ARHGEF3: variants seen among roughly 807,000 people sequenced by gnomAD.
ARHGEF3 encodes the protein 59.8 kDA protein.
ARHGEF3 carries 28 observed loss-of-function variants against 63.2 expected under a neutral mutation model. The ratio of observed to expected loss-of-function variants is 0.44; its 90% confidence interval spans 0.33 to 0.61. ARHGEF3 has a LOEUF of 0.61. ARHGEF3 is among the 20% of genes least tolerant of loss of function. The pLI, the probability that ARHGEF3 is intolerant of heterozygous loss-of-function variation, is 0.03. For missense variants in ARHGEF3, 533 were observed against 659.3 expected (o/e 0.81, Z 2.10); for synonymous variants, 266 against 254.2 (o/e 1.05, Z -0.44).
intron 1 of ARHGEF3, among the ~76,000 whole-genome samples, chr3:57,036,466 C>T (rs1340709584): frequency 1.3e-5 from 2 of 152,106 alleles, no homozygotes; most frequent in African/African-American, 4.8e-5. Flanking sequence ...AGGATTCCTC[C>T]CACTATTTCG....
intron 1 of ARHGEF3, among the ~76,000 whole-genome samples, chr3:57,042,692 A>ATTTTT (rs1447905041): frequency 3.8e-4 from 9 of 23,950 alleles, no homozygotes; most frequent in Admixed American, 7.7e-4. Context: ...ATATATATAT[A>ATTTTT]TATATATATT....
intron 2 of ARHGEF3, among the ~76,000 whole-genome samples, chr3:56,772,770 G>A (rs2036074782): frequency 6.6e-6 from 1 of 152,174 alleles, no homozygotes; most frequent in Admixed American, 6.5e-5. Flanking sequence ...GGGCCAAGGT[G>A]TTATGCTATG....
At chr3:56,766,155 A>C (rs1466315094) in intron 2 of ARHGEF3, among the ~76,000 whole-genome samples, 1 of 152,156 alleles carries the variant, frequency 6.6e-6, no homozygotes, top group Non-Finnish European at 1.5e-5. Context: ...TAGAACTTTT[A>C]CAATCTCTAG....
In ARHGEF3 at chr3:57,001,936, TG is replaced by T. The variant is rs377719887; in HGVS notation, c.62+33151del. 7.4e-3 allele frequency among the ~76,000 whole-genome samples: 1,032 copies of T among 139,798 alleles called. 208 individuals carry two copies. The highest frequency in any genetic ancestry group is 0.021 in the African/African-American group (793 of 37,266). The allele number at this position is 139,798 out of a possible 152,430, so 91.7% of individuals were successfully genotyped here. A position where few individuals can be genotyped will look rare whatever the true frequency, so the allele number is the denominator to read the frequency against. ...GATAGTTTTTTTTTTTTTTGTTTTT[TG>T]TTTTGAGACGGAGTCTCACTCTGTT... is the stretch of plus-strand genomic sequence containing the variant. On this transcript the variant is annotated intron_variant, in intron 2 of 12. Coordinates refer to the ARHGEF3 transcript ENST00000338458.
At chr3:56,770,300 CT>C (rs1172120448) in intron 2 of ARHGEF3, among the ~76,000 whole-genome samples, 1 of 152,034 alleles carries the variant, frequency 6.6e-6, no homozygotes, top group Non-Finnish European at 1.5e-5. Context: ...ATCCCAGCTA[CT>C]CGGGAGGCTG....
chr3:56,793,550 G>A (rs542658266), intron 1 of ARHGEF3, among the ~76,000 whole-genome samples: 1 of 152,192 alleles, frequency 6.6e-6, no homozygotes, highest in South Asian at 2.1e-4. Context: ...TGATCCGCCC[G>A]CCTCGGCTTC....
intron 2 of ARHGEF3, among the ~76,000 whole-genome samples, chr3:57,022,867 T>G (rs1464131603): frequency 6.6e-6 from 1 of 152,228 alleles, no homozygotes; most frequent in Admixed American, 6.5e-5. Flanking sequence ...ATGCCATTCT[T>G]TGTCCAAGCT....
At chr3:56,778,264 G>A (rs2036378394) in intron 1 of ARHGEF3, among the ~76,000 whole-genome samples, 1 of 152,156 alleles carries the variant, frequency 6.6e-6, no homozygotes, top group South Asian at 2.1e-4. Context: ...CTATTTTAAA[G>A]ATGGAGAAAC....
At chr3:56,793,362 G>T (rs1370530568) in intron 1 of ARHGEF3, among the ~76,000 whole-genome samples, 2 of 152,154 alleles carry the variant, frequency 1.3e-5, no homozygotes, top group Non-Finnish European at 2.9e-5. Context: ...GTAGAAACGG[G>T]GTTTCACCGC....
intron 3 of ARHGEF3, chr3:56,916,470 A>C: frequency 7.1e-7 from 1 of 1,410,620 alleles, no homozygotes; most frequent in Non-Finnish European, 9.2e-7. Flanking sequence ...CTTGGGCTGC[A>C]TGACAGGAAG....
rs973799338 is a variant in ARHGEF3, at chr3:56,759,779, C to A, written c.205-4628G>T. On this transcript the variant is annotated intron_variant, in intron 2 of 9. Coordinates refer to ENST00000296315, the MANE Select transcript of ARHGEF3 (RefSeq NM_019555.3). The stretch of plus-strand genomic sequence containing the variant: ...CAGGTTGGTCTTGAACTTCTGGTCT[C>A]AAGAGATCCTCCCGCCTCAGCCTCC... Among the ~76,000 whole-genome samples the A allele has an allele frequency of 3.3e-5, 5 of 152,212 alleles. 1 individual carries two copies. Among genetic ancestry groups the A allele is most frequent in the Admixed American group, 6.5e-5 (1 of 15,286 alleles).
intron 2 of ARHGEF3, among the ~76,000 whole-genome samples, chr3:57,034,067 T>C (rs1364864436): frequency 6.6e-6 from 1 of 151,916 alleles, no homozygotes; most frequent in Non-Finnish European, 1.5e-5. Flanking sequence ...AATAAATAAA[T>C]TAAATTAAAT....
chr3:56,794,355 G>A (rs1011708556), intron 1 of ARHGEF3, among the ~76,000 whole-genome samples: 3 of 151,926 alleles, frequency 2.0e-5, no homozygotes, highest in Non-Finnish European at 4.4e-5. Context: ...GGGCGTGGTG[G>A]CGTGTGCCTG....
At chr3:57,075,878 A>G (rs1246675882) in intron 1 of ARHGEF3, among the ~76,000 whole-genome samples, 1 of 152,212 alleles carries the variant, frequency 6.6e-6, no homozygotes, top group East Asian at 1.9e-4. Flanking sequence ...TCATCAAAGT[A>G]AAGAAGAAAG....
At chr3:57,079,230 A>T (rs1277078920) in exon 1 of ARHGEF3, 1 of 333,798 alleles carries the variant, frequency 3.0e-6, no homozygotes, top group African/African-American at 2.2e-5. Flanking sequence ...ACTCACCTCG[A>T]CCCCCGCGCT....
chr3:57,017,134 G>A (rs116102643), intron 2 of ARHGEF3, among the ~76,000 whole-genome samples: 3 of 151,772 alleles, frequency 2.0e-5, no homozygotes, highest in African/African-American at 7.3e-5. Context: ...TCAAAGGTGA[G>A]GATTAAGTGT....
intron 2 of ARHGEF3, among the ~76,000 whole-genome samples, chr3:56,992,665 T>C (rs9846324): frequency 0.18 from 26,638 of 151,874 alleles, 2,689 homozygotes; most frequent in Admixed American, 0.24. Flanking sequence ...CCTCAGCACA[T>C]AGCACAGAGG....
chr3:57,009,183 T>C (rs1032327826), intron 2 of ARHGEF3, among the ~76,000 whole-genome samples: 77 of 152,230 alleles, frequency 5.1e-4, no homozygotes, highest in Non-Finnish European at 8.8e-5. Flanking sequence ...CCCTGCCCTT[T>C]AACATATTGC....
intron 1 of ARHGEF3, among the ~76,000 whole-genome samples, chr3:57,078,028 G>A (rs578157620): frequency 1.9e-4 from 29 of 152,180 alleles, no homozygotes; most frequent in Non-Finnish European, 3.5e-4. Flanking sequence ...GCTGTTAGAT[G>A]TCAGTGATAA....
Sources: gnomAD v4.1 joint callset for allele counts (sites outside exome capture counted in the v4.1 genomes callset) on GRCh38, gnomAD v4.1.1 for gene constraint, MANE v1.5 for transcripts, NCBI Gene and HGNC (gene_info 2026-07-23, HGNC 2026-07-21) for gene names.